Variants in GRB14 observed in about 807,000 individuals in gnomAD.
The protein encoded by GRB14 is growth factor receptor bound protein 14.
A neutral mutation model predicts 69.1 loss-of-function variants in GRB14; 38 were observed. The observed-to-expected ratio is 0.55, with a 90% confidence interval of 0.42 to 0.72. The LOEUF is 0.72. GRB14 is among the 30% of genes least tolerant of loss of function. GRB14 has a pLI of 0.00. For synonymous variants in GRB14, 247 were observed against 241.3 expected, an observed-to-expected ratio of 1.02 and a Z score of -0.22; for missense variants, 666 against 666.1, an observed-to-expected ratio of 1.00 and a Z score of 0.00.
intron 3 of GRB14, among the ~76,000 whole-genome samples, chr2:164,538,981 A>T (rs1488661870): frequency 6.6e-6 from 1 of 152,184 alleles, no homozygotes; most frequent in African/African-American, 2.4e-5. Flanking sequence ...AGAGTGAGAC[A>T]GAGGCAAACC....
In GRB14 at chr2:164,502,280, C is replaced by A. The variant is rs1439834448; in HGVS notation, c.1079G>T (p.Cys360Phe). The part of the protein sequence containing the change: ...YMHPYQGRSG[C>F]SSQSISPMRS... ...CATAGGTGATATGCTCTGTGAACTG[C>A]AGCCACTTCTACCTTGATATGGATG... is the stretch of plus-strand genomic sequence containing the variant. The change falls in exon 9 of 14, where the codon TGC becomes TTC. Residue 360 changes from cysteine (C) to phenylalanine (F), a missense_variant. Cys to Phe is a radical substitution (Grantham distance 205). Transcript: ENST00000263915. 6.2e-7 allele frequency: 1 copy of A among 1,604,264 alleles called. No individual in the cohort carries two copies. Among genetic ancestry groups the A allele is most frequent in the South Asian group, 1.1e-5 (1 of 90,670 alleles).
chr2:164,538,815 C>T (rs1221947681), intron 3 of GRB14, among the ~76,000 whole-genome samples: 1 of 152,162 alleles, frequency 6.6e-6, no homozygotes, highest in Non-Finnish European at 1.5e-5. Context: ...GATTCTCTCT[C>T]GCTCAGCCAA....
intron 2 of GRB14, among the ~76,000 whole-genome samples, chr2:164,592,221 G>A (rs1689683233): frequency 6.6e-6 from 1 of 151,786 alleles, no homozygotes; most frequent in Non-Finnish European, 1.5e-5. Flanking sequence ...TGCAAGCTCC[G>A]CCTCCCGGGT....
At chr2:164,542,918 C>A (rs1048043965) in intron 3 of GRB14, among the ~76,000 whole-genome samples, 14 of 152,174 alleles carry the variant, frequency 9.2e-5, no homozygotes, top group Middle Eastern at 3.2e-3. Context: ...TAAAAAGACA[C>A]CTGCACTCTT....
intron 9 of GRB14, 44 bp downstream of exon 9, chr2:164,502,211 T>C (rs1181146665): frequency 2.2e-6 from 2 of 907,450 alleles, no homozygotes; most frequent in Non-Finnish European, 1.9e-6. Flanking sequence ...ATTAATATAA[T>C]GTGAATGTAA....
chr2:164,597,651 A>G (rs189747272), intron 2 of GRB14, among the ~76,000 whole-genome samples: 1 of 152,162 alleles, frequency 6.6e-6, no homozygotes, highest in Admixed American at 6.5e-5. Flanking sequence ...AGGCAGGGAG[A>G]AAAAGAATGG....
At chr2:164,554,221 T>TA (rs1011569130) in intron 2 of GRB14, among the ~76,000 whole-genome samples, 23 of 151,456 alleles carry the variant, frequency 1.5e-4, no homozygotes, top group South Asian at 4.2e-4. Flanking sequence ...TACTAAAAGG[T>TA]AAAAAAAAAT....
chr2:164,497,403 C>CTGAA lies in GRB14; in HGVS notation c.1188_1191dup (p.Val398PhefsTer5). Reference sequence around the variant, plus strand: ...CAAGCGAGTCCTTCTTCAACCGCAACTGAAAGGGCTTCAGTGGGATTTTCT... The same window carrying CTGAA: ...CAAGCGAGTCCTTCTTCAACCGCAACTGAATGAAAGGGCTTCAGTGGGATTTTCT... On this transcript the variant is annotated frameshift_variant, in exon 10 of 14. Coordinates refer to ENST00000263915, the MANE Select transcript of GRB14 (RefSeq NM_004490.3). LOFTEE classifies it high-confidence loss of function. The CTGAA allele has an allele frequency of 6.2e-7, 1 of 1,613,738 alleles. No homozygotes were observed. The highest frequency in any genetic ancestry group is 8.5e-7 in the Non-Finnish European group (1 of 1,179,750).
chr2:164,609,618 A>G (rs753919717), intron 2 of GRB14, among the ~76,000 whole-genome samples: 2 of 152,184 alleles, frequency 1.3e-5, no homozygotes, highest in Non-Finnish European at 2.9e-5. Flanking sequence ...CAGTGCTTTT[A>G]TAGTATTTCT....
At chr2:164,511,150 G>C (rs545270523) in intron 6 of GRB14, among the ~76,000 whole-genome samples, 1 of 152,300 alleles carries the variant, frequency 6.6e-6, no homozygotes, top group Middle Eastern at 3.4e-3. Flanking sequence ...AAACTGCTCT[G>C]AGCCCTAAAT....
chr2:164,512,178 T>C (rs1017356985), intron 6 of GRB14, among the ~76,000 whole-genome samples: 2 of 152,128 alleles, frequency 1.3e-5, no homozygotes, highest in African/African-American at 4.8e-5. Context: ...TTTGTTTTTG[T>C]TTTTTGAGAC....
chr2:164,552,775 G>A (rs923016867), intron 2 of GRB14, among the ~76,000 whole-genome samples: 1 of 152,136 alleles, frequency 6.6e-6, no homozygotes, highest in Non-Finnish European at 1.5e-5. Context: ...CTGCTCTTAA[G>A]GATATATCTT....
chr2:164,523,541 GAT>G (rs1687691044), intron 5 of GRB14, among the ~76,000 whole-genome samples: 1 of 152,002 alleles, frequency 6.6e-6, no homozygotes, highest in Admixed American at 6.6e-5. Context: ...GCTGACAGTA[GAT>G]ATTTATGTTT....
chr2:164,559,006 G>A (rs761405442), intron 2 of GRB14, among the ~76,000 whole-genome samples: 1 of 152,026 alleles, frequency 6.6e-6, no homozygotes, highest in Non-Finnish European at 1.5e-5. Context: ...TCTGAAACCT[G>A]GATGTAACTT....
At chr2:164,507,970 TA>T (rs1559024773) in intron 8 of GRB14, among the ~76,000 whole-genome samples, 1 of 152,202 alleles carries the variant, frequency 6.6e-6, no homozygotes, top group Non-Finnish European at 1.5e-5. Context: ...AGTAGATGTT[TA>T]AAAAATATAT....
intron 9 of GRB14, 38 bp from the exon 10 acceptor site, chr2:164,497,528 T>C (rs779097691): frequency 7.8e-7 from 1 of 1,287,138 alleles, no homozygotes; most frequent in Non-Finnish European, 1.1e-6. Flanking sequence ...TGAAAATTTC[T>C]TTGAAAGTTA....
At chr2:164,556,506 C>T (rs1688680971) in intron 2 of GRB14, among the ~76,000 whole-genome samples, 1 of 152,150 alleles carries the variant, frequency 6.6e-6, no homozygotes, top group African/African-American at 2.4e-5. Flanking sequence ...TACCCCCTTT[C>T]ACTTTATTCC....
chr2:164,574,024 A>G, intron 2 of GRB14: 1 of 1,392,528 alleles, frequency 7.2e-7, no homozygotes, highest in Non-Finnish European at 1.0e-6. Flanking sequence ...TTCTTAACAT[A>G]GATTGTTGCA....
chr2:164,537,863 C>T (rs1384670956), intron 3 of GRB14, among the ~76,000 whole-genome samples: 1 of 152,174 alleles, frequency 6.6e-6, no homozygotes, highest in Non-Finnish European at 1.5e-5. Flanking sequence ...CACAGTGCCA[C>T]ATGTCCCAAA....
Sources: gnomAD v4.1 joint callset for allele counts (sites outside exome capture counted in the v4.1 genomes callset) on GRCh38, gnomAD v4.1.1 for gene constraint, MANE v1.5 for transcripts, NCBI Gene and HGNC (gene_info 2026-07-23, HGNC 2026-07-21) for gene names.